KMT2A: variants seen among roughly 807,000 people sequenced by gnomAD.
The protein encoded by KMT2A is lysine methyltransferase 2A.
Under a neutral mutation model 345.3 loss-of-function variants are expected in KMT2A, and 16 were observed. That is an observed-to-expected ratio of 0.05 (90% confidence interval 0.03 to 0.07). KMT2A has a LOEUF of 0.07. Among genes scored for constraint, KMT2A ranks in the 10% least tolerant of loss-of-function variants. The pLI is 1.00. For missense variants in KMT2A, 3,272 were observed against 4,841.6 expected, an observed-to-expected ratio of 0.68 and a Z score of 9.62; for synonymous variants, 1,599 against 1,778.6, an observed-to-expected ratio of 0.90 and a Z score of 2.54.
rs2134293855 is a variant in KMT2A, at chr11:118,480,222, G to A, written c.3618G>A (p.Leu1206=). The A allele has an allele frequency of 6.2e-7, 1 of 1,613,278 alleles. No homozygotes were observed. The highest frequency in any genetic ancestry group is 8.5e-7 in the Non-Finnish European group (1 of 1,179,408). Residue 1206 remains leucine, a synonymous_variant, in exon 6 of 36, where the codon CTG becomes CTA. Coordinates refer to ENST00000534358, the MANE Select transcript of KMT2A (RefSeq NM_001197104.2). The part of the protein sequence containing the change: ...NLQWMPSKAY[L]QKQAKAVKKK... ...AATGGATGCCTTCCAAAGCCTACCT[G>A]CAGAAGCAAGCTAAAGGTAGTGTTG...
chr11:118,449,800 C>T (rs1555028280), intron 1 of KMT2A: 1 of 152,026 alleles, frequency 6.6e-6, no homozygotes, highest in African/African-American at 2.4e-5. Flanking sequence ...ATTCAACAGC[C>T]CATCTTCCCA....
In KMT2A at chr11:118,498,080, C is replaced by A. The variant is rs374786136; in HGVS notation, c.5802+7C>A. 1.4e-5 allele frequency: 22 copies of A among 1,610,518 alleles called. No individual in the cohort carries two copies. In the African/African-American group the frequency reaches 2.0e-4, roughly 15 times the overall value. On this transcript the variant is annotated splice_region_variant and intron_variant, in intron 21 of 35. Transcript: ENST00000534358. This position sits in a 1 kb window ranked among gnomAD's most constrained non-coding sequence, Gnocchi z 4.4. ...GATCAGGGGCAAGCAGCTGGTAAGA[C>A]CTTATGGGTAAATTTTATGAAAGAG...
intron 1 of KMT2A, among the ~76,000 whole-genome samples, chr11:118,441,901 C>T (rs1310548071): frequency 1.3e-5 from 2 of 152,204 alleles, no homozygotes; most frequent in Non-Finnish European, 2.9e-5. Flanking sequence ...TCTTTGCTCA[C>T]CTTAGAGCTG....
intron 10 of KMT2A, among the ~76,000 whole-genome samples, chr11:118,486,416 C>T (rs1950230910): frequency 6.7e-6 from 1 of 150,194 alleles, no homozygotes; most frequent in East Asian, 1.9e-4. Context: ...GCAGTATGTA[C>T]CACCTTTACA....
chr11:118,438,262 C>T (rs191317739), intron 1 of KMT2A, among the ~76,000 whole-genome samples: 1 of 152,108 alleles, frequency 6.6e-6, no homozygotes, highest in African/African-American at 2.4e-5. Flanking sequence ...AGGGTCAGAG[C>T]GTTGCCCCTT....
chr11:118,501,631 A>C, intron 25 of KMT2A, 41 bp from the exon 26 acceptor site: 1 of 1,530,556 alleles, frequency 6.5e-7, no homozygotes, highest in Non-Finnish European at 8.9e-7. Flanking sequence ...TGATATTTTA[A>C]TTGGGCCTTT....
rs777072851 is a variant in KMT2A, at chr11:118,521,742, G to A, written c.11644-155G>A. Among the ~76,000 whole-genome samples, 49 of 152,190 alleles carry A rather than the reference G, an allele frequency of 3.2e-4. No homozygotes were observed. The highest frequency in any genetic ancestry group is 1.8e-4 in the Non-Finnish European group (12 of 68,032). On this transcript the variant is annotated intron_variant, in intron 35 of 35. Transcript: ENST00000534358. This position sits in a 1 kb window ranked among gnomAD's most constrained non-coding sequence, Gnocchi z 5.3. ...TGTAATCTAGGAAATCCTCGTGGAA[G>A]CATCTTGAAAGATAGTACTGGGAGA...
chr11:118,462,845 A>G (rs979545660), intron 1 of KMT2A, among the ~76,000 whole-genome samples: 4 of 152,230 alleles, frequency 2.6e-5, no homozygotes, highest in Non-Finnish European at 1.5e-5. Flanking sequence ...TACAGGCGTG[A>G]GCCACTGCAC....
chr11:118,519,470 A>G (rs1264979272), intron 31 of KMT2A, 148 bp from the exon 32 acceptor site: 20 of 644,124 alleles, frequency 3.1e-5, no homozygotes, highest in Non-Finnish European at 5.5e-5. Context: ...TTTAATGGCT[A>G]TCTGATGCTA....
intron 1 of KMT2A, among the ~76,000 whole-genome samples, chr11:118,466,948 A>G (rs550821530): frequency 1.4e-3 from 208 of 152,296 alleles, no homozygotes; most frequent in Non-Finnish European, 2.3e-3. Flanking sequence ...AGTCCGAGCT[A>G]TGCAGGAGGC....
chr11:118,487,145 A>G (rs2134322489), intron 10 of KMT2A, among the ~76,000 whole-genome samples: 1 of 152,354 alleles, frequency 6.6e-6, no homozygotes, highest in East Asian at 1.9e-4. Flanking sequence ...TATTCAGTCT[A>G]CAAGTGCCAG....
In KMT2A at chr11:118,491,915, T is replaced by A; in HGVS notation, c.4991T>A (p.Leu1664Gln). 5 of 1,613,182 alleles carry A rather than the reference T, an allele frequency of 3.1e-6. No homozygotes were observed. The highest frequency in any genetic ancestry group is 4.2e-6 in the Non-Finnish European group (5 of 1,179,688). The change falls in exon 15 of 36, where the codon CTA (leucine) becomes CAA (glutamine). Residue 1664 changes from leucine (L) to glutamine (Q), a missense_variant. Transcript: ENST00000534358. The surrounding 1 kb of genome is among the most constrained non-coding windows in gnomAD (Gnocchi z 4.2). ...AATTCTCGGACTACCAGCCATTTGC[T>A]ACGCTACCGGCAGGTAGGCCAAGTC... ...LLNSRTTSHL[L>Q]RYRQAAKPPD...
rs1555048577 is a variant in KMT2A at position 118,506,618 on chromosome 11, G to C, written c.10726G>C (p.Glu3576Gln). 6.2e-7 allele frequency: 1 copy of C among 1,609,196 alleles called. No homozygotes were observed. Among genetic ancestry groups the C allele is most frequent in the Non-Finnish European group, 8.5e-7 (1 of 1,176,892 alleles). ...SSSEAHIPDQ[E>Q]TTSLTSGTGT... The stretch of plus-strand genomic sequence containing the variant: ...TTCTGAAGCACACATTCCAGACCAA[G>C]AAACGACATCCCTGACCTCAGGCAC... The change falls in exon 27 of 36, where the codon GAA (glutamate) becomes CAA (glutamine). Residue 3576 changes from glutamate (E) to glutamine (Q), a missense_variant. Physicochemically the swap from Glu to Gln is conservative, Grantham distance 29 (BLOSUM62 2). This residue lies in a region of KMT2A where 748 missense variants were observed against 922.2 expected (regional missense o/e 0.81). Transcript: ENST00000534358.
intron 1 of KMT2A, chr11:118,439,158 C>CAAAAAAAAAAAAAAA: frequency 1.1e-5 from 3 of 265,450 alleles, no homozygotes; most frequent in East Asian, 1.9e-4. Context: ...GATACAGCAG[C>CAAAAAAAAAAAAAAA]AAAAAAAAAA....
Position 118,473,304 on chromosome 11 carries a change from A to C in KMT2A, c.2145A>C (p.Val715=). ...CTCACTCTAGAATATTTGAGTCTGT[A>C]ACCTTGCCTAGTAATCGAACTTCTG... ...SEAHSRIFES[V]TLPSNRTSAG... Residue 715 remains valine (V), a synonymous_variant, in exon 3 of 36, where the codon GTA becomes GTC. Transcript: ENST00000534358. The surrounding 1 kb of genome is among the most constrained non-coding windows in gnomAD (Gnocchi z 5.2). 6.2e-7 allele frequency: 1 copy of C among 1,613,798 alleles called. No individual in the cohort carries two copies. Among genetic ancestry groups the C allele is most frequent in the Non-Finnish European group, 8.5e-7 (1 of 1,179,886 alleles).
chr11:118,516,543 G>A (rs896194433), intron 31 of KMT2A, among the ~76,000 whole-genome samples: 11 of 152,136 alleles, frequency 7.2e-5, no homozygotes, highest in Admixed American at 3.3e-4. Flanking sequence ...CCTGAAGTGG[G>A]AATATCTTTG....
Position 118,505,238 on chromosome 11 carries a change from A to G in KMT2A, c.9346A>G (p.Ser3116Gly), listed in dbSNP as rs782745599. ...GACCTCTTCTGTTAGTTCTACACCC[A>G]GTGTGATGGAGACAAATACTTCAGT... ...QLTSSVSSTP[S>G]VMETNTSVLG... Residue 3116 changes from serine to glycine, a missense_variant, in exon 27 of 36, where the codon AGT becomes GGT. Ser to Gly is a moderately conservative substitution (Grantham distance 56, BLOSUM62 0). This residue lies in a region of KMT2A where 748 missense variants were observed against 922.2 expected (regional missense o/e 0.81). Transcript: ENST00000534358. The surrounding 1 kb of genome is among the most constrained non-coding windows in gnomAD (Gnocchi z 4.6). The G allele has an allele frequency of 1.6e-5, 26 of 1,614,004 alleles. No individual in the cohort carries two copies. The highest frequency in any genetic ancestry group is 1.9e-5 in the Non-Finnish European group (22 of 1,179,976).
Position 118,436,535 on chromosome 11 carries a change from G to A in KMT2A, c.23G>A (p.Arg8His), listed in dbSNP as rs2134151947. Residue 8 changes from arginine (R) to histidine (H), a missense_variant, in exon 1 of 36, where the codon CGC (arginine) becomes CAC (histidine). Physicochemically the swap from Arg to His is conservative, Grantham distance 29 (BLOSUM62 0). Coordinates refer to ENST00000534358, the MANE Select transcript of KMT2A (RefSeq NM_001197104.2). The surrounding 1 kb of genome is among the most constrained non-coding windows in gnomAD (Gnocchi z 6.9). The part of the protein sequence containing the change: MAHSCRW[R>H]FPARPGTTGG... ...AACATGGCGCACAGCTGTCGGTGGC[G>A]CTTCCCCGCCCGACCCGGGACCACC... 1.6e-6 allele frequency: 2 copies of A among 1,254,712 alleles called. No individual in the cohort carries two copies. The highest frequency in any genetic ancestry group is 1.0e-6 in the Non-Finnish European group (1 of 989,146). 77.7% of individuals were successfully genotyped at this position (1,254,712 alleles called of 1,614,324 possible).
intron 31 of KMT2A, among the ~76,000 whole-genome samples, chr11:118,518,948 G>A (rs1406937429): frequency 2.1e-5 from 3 of 143,314 alleles, no homozygotes; most frequent in Non-Finnish European, 3.0e-5. Flanking sequence ...GCGTGGTGGC[G>A]GCGCCCGTAG....
Sources: gnomAD v4.1 joint callset for allele counts (sites outside exome capture counted in the v4.1 genomes callset) on GRCh38, gnomAD v4.1.1 for gene constraint, gnomAD v4.1.1 regional missense constraint, Gnocchi (gnomAD v3.1) non-coding constraint, MANE v1.5 for transcripts, NCBI Gene and HGNC (gene_info 2026-07-23, HGNC 2026-07-21) for gene names.